The following IL1RAPL1 variants were observed in gnomAD, a reference collection of about 807,000 sequenced individuals.
IL1RAPL1 encodes interleukin-1 receptor accessory protein-like 1.
In IL1RAPL1, 3 loss-of-function variants were observed where a neutral mutation model predicts 48.4. The ratio of observed to expected loss-of-function variants is 0.06; its 90% CI spans 0.03 to 0.16. The LOEUF (loss-of-function observed/expected upper bound fraction) is 0.16, where lower values mean the gene tolerates loss of function less well. IL1RAPL1 is among the 10% of genes least tolerant of loss of function. The pLI is 1.00. For synonymous variants in IL1RAPL1, 185 were observed against 187.7 expected (o/e 0.99, Z 0.12); for missense variants, 349 against 530.6 (o/e 0.66, Z 3.36).
At chrX:29,897,503 T>G (rs147730436) in intron 6 of IL1RAPL1, among the ~76,000 whole-genome samples, 2,961 of 112,069 alleles carry the variant, frequency 0.026, 53 homozygotes, top group Admixed American at 0.08. Context: ...GCCTTATTTA[T>G]TGTTATGTAA....
rs1384756392 is a variant in IL1RAPL1, at chrX:29,803,042, CAT to C, written c.779-114417_779-114416del. Among the ~76,000 whole-genome samples the C allele has an allele frequency of 1.4e-3, 107 of 78,046 alleles. 4 individuals carry two copies. Among genetic ancestry groups the C allele is most frequent in the African/African-American group, 4.9e-3 (90 of 18,330 alleles). The allele number at this position is 78,046 out of a possible 115,157, so 67.8% of individuals were successfully genotyped here. A position where few individuals can be genotyped will look rare whatever the true frequency, so the allele number is the denominator to read the frequency against. On this transcript the variant is annotated intron_variant, in intron 6 of 10. Transcript: ENST00000378993. ...GTACATATACATGTATGCATATATA[CAT>C]ATATGTGTACATATATATGTATGCA...
intron 6 of IL1RAPL1, among the ~76,000 whole-genome samples, chrX:29,910,990 C>A (rs1039057178): frequency 2.7e-5 from 3 of 111,344 alleles, no homozygotes; most frequent in Non-Finnish European, 5.7e-5. Context: ...ACATAAGATT[C>A]TCTTATGGCC....
At chrX:29,584,832 G>A (rs1318276457) in intron 5 of IL1RAPL1, among the ~76,000 whole-genome samples, 1 of 112,021 alleles carries the variant, frequency 8.9e-6, no homozygotes, top group Non-Finnish European at 1.9e-5. Flanking sequence ...GGGATTACAG[G>A]CATGAGCCAT....
At chrX:29,572,683 C>T (rs137983810) in intron 5 of IL1RAPL1, among the ~76,000 whole-genome samples, 4,280 of 112,132 alleles carry the variant, frequency 0.038, 96 homozygotes, top group Non-Finnish European at 0.052. Context: ...GCTTATTCTC[C>T]CTGTAGAAAT....
intron 6 of IL1RAPL1, among the ~76,000 whole-genome samples, chrX:29,866,154 T>G (rs953489900): frequency 1.8e-5 from 2 of 111,565 alleles, no homozygotes; most frequent in African/African-American, 6.5e-5. Flanking sequence ...CCTTGGAACA[T>G]TTAATAATTT....
intron 2 of IL1RAPL1, chrX:28,942,718 A>G (rs1924195930): frequency 9.1e-6 from 1 of 109,496 alleles, no homozygotes; most frequent in African/African-American, 3.3e-5. Flanking sequence ...TAGAGGCATC[A>G]GATGAAAGAG....
At chrX:28,836,191 A>G (rs1263193258) in intron 2 of IL1RAPL1, among the ~76,000 whole-genome samples, 1 of 109,699 alleles carries the variant, frequency 9.1e-6, no homozygotes, top group Non-Finnish European at 1.9e-5. Context: ...GATTAATTAG[A>G]GGGAATCCAG....
chrX:29,848,450 A>T (rs189629956), intron 6 of IL1RAPL1, among the ~76,000 whole-genome samples: 1 of 110,697 alleles, frequency 9.0e-6, no homozygotes. Context: ...AAAAAAAAAA[A>T]CATCCTATTA....
At chrX:29,598,855 C>T (rs981483523) in intron 5 of IL1RAPL1, among the ~76,000 whole-genome samples, 5 of 111,904 alleles carry the variant, frequency 4.5e-5, no homozygotes, top group Non-Finnish European at 9.4e-5. Flanking sequence ...ACCCGTACTC[C>T]TCACTTTTGC....
chrX:29,586,682 T>C (rs1264516908), intron 5 of IL1RAPL1, among the ~76,000 whole-genome samples: 1 of 111,488 alleles, frequency 9.0e-6, no homozygotes, highest in Non-Finnish European at 1.9e-5. Context: ...CACGGATATC[T>C]ATTTGTTTGT....
At chrX:28,997,479 ATGT>A (rs1925750369) in intron 2 of IL1RAPL1, among the ~76,000 whole-genome samples, 1 of 111,091 alleles carries the variant, frequency 9.0e-6, no homozygotes, top group African/African-American at 3.3e-5. Context: ...TCTGATGGAG[ATGT>A]TGTCCCCTGT....
chrX:28,716,420 A>G (rs1458063790), intron 1 of IL1RAPL1, among the ~76,000 whole-genome samples: 2 of 111,629 alleles, frequency 1.8e-5, no homozygotes, highest in African/African-American at 6.5e-5. Flanking sequence ...AAAAAAAGCA[A>G]TGGGGAAAGG....
rs753847637 is a variant in IL1RAPL1, at chrX:29,322,392, G to A, written c.362+39175G>A. On this transcript the variant is annotated intron_variant, in intron 3 of 10. Coordinates refer to ENST00000378993, the MANE Select transcript of IL1RAPL1 (RefSeq NM_014271.4). ...AGTGATTCTCCTGCCTCAGCCTCCTGTGTAGCTGGGATTACAGGCATGCAC... is the reference window on the plus strand; with the variant it reads ...AGTGATTCTCCTGCCTCAGCCTCCTATGTAGCTGGGATTACAGGCATGCAC... Among the ~76,000 whole-genome samples the A allele has an allele frequency of 1.0e-3, 111 of 109,592 alleles. 1 individual carries two copies. Among genetic ancestry groups the A allele is most frequent in the African/African-American group, 3.6e-3 (108 of 30,108 alleles).
intron 1 of IL1RAPL1, among the ~76,000 whole-genome samples, chrX:28,588,431 A>G (rs1471975967): frequency 1.8e-5 from 2 of 111,913 alleles, no homozygotes; most frequent in Non-Finnish European, 3.8e-5. Context: ...GGGTAGCAGC[A>G]GTAAAAGAAA....
chrX:29,288,048 G>T (rs1021136001), intron 3 of IL1RAPL1, among the ~76,000 whole-genome samples: 2 of 111,488 alleles, frequency 1.8e-5, no homozygotes, highest in Non-Finnish European at 3.8e-5. Context: ...TAAAAATTCA[G>T]TTGCTTTACA....
chrX:29,317,101 G>T lies in IL1RAPL1; in HGVS notation c.362+33884G>T, dbSNP rs192827343. On this transcript the variant is annotated intron_variant, in intron 3 of 10. Transcript: ENST00000378993. ...ATTTTTAGTTTACAGCAGGATCAATGATTATGTTTCCTAAGGGACCTAATT... is the reference window on the plus strand; with the variant it reads ...ATTTTTAGTTTACAGCAGGATCAATTATTATGTTTCCTAAGGGACCTAATT... Among the ~76,000 whole-genome samples, 8 of 111,374 alleles carry T rather than the reference G, an allele frequency of 7.2e-5. No individual in the cohort carries two copies. The Admixed American group carries it at 7.7e-4, about 11-fold the overall frequency.
At chrX:29,852,659 A>G (rs7887452) in intron 6 of IL1RAPL1, among the ~76,000 whole-genome samples, 2,270 of 111,939 alleles carry the variant, frequency 0.02, 59 homozygotes, top group African/African-American at 0.07. Flanking sequence ...GCAACTATCT[A>G]TATAAACCAT....
At chrX:28,682,919 C>T (rs1484199240) in intron 1 of IL1RAPL1, among the ~76,000 whole-genome samples, 6 of 111,519 alleles carry the variant, frequency 5.4e-5, no homozygotes, top group African/African-American at 2.0e-4. Context: ...TTTAGCTGAC[C>T]CATTTCATTC....
Position 29,369,753 on chromosome X carries a change from A to G in IL1RAPL1, c.363-26505A>G, listed in dbSNP as rs774154616. On this transcript the variant is annotated intron_variant, in intron 3 of 10. Coordinates refer to ENST00000378993, the MANE Select transcript of IL1RAPL1 (RefSeq NM_014271.4). The stretch of plus-strand genomic sequence containing the variant: ...CACTTAGCTCAGGAGAAGGTGGACA[A>G]TGAGACAGCTCCAGATCCTAATTCA... 2.2e-4 allele frequency: 25 copies of G among 112,255 alleles called. 1 individual carries two copies. Among genetic ancestry groups the G allele is most frequent in the Admixed American group, 1.7e-3 (18 of 10,597 alleles). 9.3% of individuals were successfully genotyped at this position (112,255 alleles called of 1,213,427 possible).
Sources: gnomAD v4.1 joint callset for allele counts (sites outside exome capture counted in the v4.1 genomes callset) on GRCh38, gnomAD v4.1.1 for gene constraint, MANE v1.5 for transcripts, NCBI Gene and HGNC (gene_info 2026-07-23, HGNC 2026-07-21) for gene names.